The following BPTF variants were observed in gnomAD, a reference collection of about 807,000 sequenced individuals.
The protein encoded by BPTF is nucleosome-remodeling factor subunit BPTF.
A neutral mutation model predicts 292.5 loss-of-function variants in BPTF; 18 were observed. The ratio of observed to expected loss-of-function variants is 0.06; its 90% CI spans 0.04 to 0.09. The LOEUF (loss-of-function observed/expected upper bound fraction) is 0.09, where lower values mean the gene tolerates loss of function less well. Among genes scored for constraint, BPTF ranks in the 10% least tolerant of loss-of-function variants. BPTF has a pLI of 1.00. For synonymous variants in BPTF, 1,225 were observed against 1,251.9 expected (o/e 0.98, Z 0.45); for missense variants, 2,726 against 3,498.7 (o/e 0.78, Z 5.57).
rs200471908 is a variant in BPTF at position 67,884,138 on chromosome 17, CTT to C, written c.1865-7688_1865-7687del. On this transcript the variant is annotated intron_variant, in intron 4 of 27. Transcript: ENST00000306378. Reference sequence around the variant, plus strand: ...TGCCCTATTGATGGGCATTTTCTTTCTTTTTTTTTTTTTTTTTTTGAAACAAT... The same window carrying C: ...TGCCCTATTGATGGGCATTTTCTTTCTTTTTTTTTTTTTTTTTGAAACAAT... Among the ~76,000 whole-genome samples the C allele has an allele frequency of 4.5e-4, 61 of 134,432 alleles. 1 individual carries two copies. Among genetic ancestry groups the C allele is most frequent in the Non-Finnish European group, 4.5e-4 (27 of 60,472 alleles). 88.2% of individuals were successfully genotyped at this position (134,432 alleles called of 152,430 possible). A position where few individuals can be genotyped will look rare whatever the true frequency, so the allele number is the denominator to read the frequency against.
chr17:67,856,186 G>A (rs1401789381), intron 2 of BPTF, among the ~76,000 whole-genome samples: 1 of 151,904 alleles, frequency 6.6e-6, no homozygotes, highest in Non-Finnish European at 1.5e-5. Flanking sequence ...TCTCTTTGGG[G>A]TATTTGTATG....
chr17:67,878,462 C>G (rs1255767875), intron 4 of BPTF, among the ~76,000 whole-genome samples: 2 of 152,168 alleles, frequency 1.3e-5, no homozygotes, highest in African/African-American at 4.8e-5. Flanking sequence ...GTAGATACTG[C>G]TAAACAGTTT....
At chr17:67,880,603 A>G (rs550683648) in intron 4 of BPTF, among the ~76,000 whole-genome samples, 67 of 151,986 alleles carry the variant, frequency 4.4e-4, no homozygotes, top group Non-Finnish European at 9.3e-4. Context: ...ATATTCAAAC[A>G]TTTGTAGGTT....
In BPTF at chr17:67,922,906, C is replaced by G; in HGVS notation, c.5624C>G (p.Pro1875Arg). 2 of 1,614,096 alleles carry G rather than the reference C, an allele frequency of 1.2e-6. No individual in the cohort carries two copies. Among genetic ancestry groups the G allele is most frequent in the East Asian group, 4.5e-5 (2 of 44,874 alleles). Residue 1875 changes from proline (P) to arginine (R), a missense_variant, in exon 14 of 28, where the codon CCC becomes CGC. Physicochemically the swap from Pro to Arg is moderately radical, Grantham distance 103. Coordinates refer to ENST00000306378, the MANE Select transcript of BPTF (RefSeq NM_182641.4). ...CTGCGGCCAAAGAGACCAGAAACGCCCAAGCAAACTGGCCCTGTTATTATT... is the reference window on the plus strand; with the variant it reads ...CTGCGGCCAAAGAGACCAGAAACGCGCAAGCAAACTGGCCCTGTTATTATT... ...SALRPKRPETPKQTGPVIIET... is the reference protein window; with the variant it reads ...SALRPKRPETRKQTGPVIIET...
At chr17:67,826,417 T>G in intron 1 of BPTF, 80 bp downstream of exon 1, 1 of 1,405,470 alleles carries the variant, frequency 7.1e-7, no homozygotes, top group South Asian at 1.5e-5. Flanking sequence ...GTGCTGTGCA[T>G]CCTGCTCCGA....
intron 27 of BPTF, among the ~76,000 whole-genome samples, chr17:67,979,475 C>T (rs1259811052): frequency 3.3e-5 from 5 of 151,068 alleles, no homozygotes; most frequent in East Asian, 2.0e-4. Context: ...ACCTGGGAGA[C>T]GGAGGTTGCA....
chr17:67,884,931 T>C (rs2060654167), intron 4 of BPTF, among the ~76,000 whole-genome samples: 1 of 152,188 alleles, frequency 6.6e-6, no homozygotes, highest in Non-Finnish European at 1.5e-5. Flanking sequence ...TGAGAGTAGT[T>C]TCTTCATATA....
At chr17:67,897,341 C>CAAAAAAAAAAAA (rs750678904) in intron 7 of BPTF, among the ~76,000 whole-genome samples, 8 of 17,764 alleles carry the variant, frequency 4.5e-4, no homozygotes, top group Non-Finnish European at 6.5e-4. Context: ...AACTCTGTCT[C>CAAAAAAAAAAAA]AAAAAAAAAA....
chr17:67,884,327 A>G (rs7213292), intron 4 of BPTF, among the ~76,000 whole-genome samples: 30,860 of 151,440 alleles, frequency 0.2, 3,953 homozygotes, highest in East Asian at 0.66. Flanking sequence ...GCTGCTCTCG[A>G]ATGCCTGACC....
At chr17:67,832,642 C>CATT (rs149851810) in intron 1 of BPTF, among the ~76,000 whole-genome samples, 3,470 of 151,992 alleles carry the variant, frequency 0.023, 125 homozygotes, top group African/African-American at 0.079. Flanking sequence ...GTTGTGCAAC[C>CATT]ATTAACACTA....
intron 17 of BPTF, among the ~76,000 whole-genome samples, chr17:67,931,017 A>T (rs1163143123): frequency 6.6e-6 from 1 of 151,428 alleles, no homozygotes; most frequent in African/African-American, 2.4e-5. Flanking sequence ...CTGTAATCCC[A>T]GCACTTTGGG....
At chr17:67,826,580 T>TCTC (rs1555605611) in intron 1 of BPTF, among the ~76,000 whole-genome samples, 7 of 137,416 alleles carry the variant, frequency 5.1e-5, no homozygotes, top group Admixed American at 7.3e-5. Context: ...TCGCTCTCTC[T>TCTC]CCCCCCCCCA....
intron 1 of BPTF, among the ~76,000 whole-genome samples, chr17:67,837,230 C>G (rs2057201168): frequency 6.6e-6 from 1 of 152,136 alleles, no homozygotes; most frequent in Non-Finnish European, 1.5e-5. Flanking sequence ...CGTTTACAGA[C>G]AGTGCTGTCC....
intron 1 of BPTF, among the ~76,000 whole-genome samples, chr17:67,828,548 G>A (rs1273438147): frequency 6.6e-6 from 1 of 152,020 alleles, no homozygotes; most frequent in African/African-American, 2.4e-5. Flanking sequence ...CTTTTTTTGA[G>A]AAGGAGTTTT....
chr17:67,929,438 C>T lies in BPTF; in HGVS notation c.6101C>T (p.Thr2034Ile), dbSNP rs2064176015. The T allele has an allele frequency of 6.2e-7, 1 of 1,614,152 alleles. No homozygotes were observed. The highest frequency in any genetic ancestry group is 8.5e-7 in the Non-Finnish European group (1 of 1,180,036). ...TTCCAGCCCAGGACAGCAACAGTCA[C>T]AATTAGGCCCAATACCTCAGGCTCT... ...TSFQPRTATV[T>I]IRPNTSGSGG... Residue 2034 changes from threonine (T) to isoleucine (I), a missense_variant, in exon 17 of 28, where the codon ACA becomes ATA. Around this residue, in one of 22 missense-constraint regions of BPTF, gnomAD observed 570 missense variants for 633.5 expected, o/e 0.90. Coordinates refer to ENST00000306378, the MANE Select transcript of BPTF (RefSeq NM_182641.4).
chr17:67,958,666 G>A (rs1267168190), intron 23 of BPTF, among the ~76,000 whole-genome samples: 2 of 150,972 alleles, frequency 1.3e-5, no homozygotes, highest in African/African-American at 4.9e-5. Flanking sequence ...GAGGTGGGGA[G>A]GTTGGAGTGC....
rs1488543258 is a variant in BPTF at position 67,928,348 on chromosome 17, T to G, written c.5752-7T>G. The G allele has an allele frequency of 1.9e-6, 3 of 1,597,148 alleles. No homozygotes were observed. The highest frequency in any genetic ancestry group is 1.4e-5 in the African/African-American group (1 of 73,928). ...TGATTCATGTTTCCTCTCCTTCACT[T>G]TTTTAGAAACGACTGGAGCAGCAGA... On this transcript the variant is annotated splice_region_variant and splice_polypyrimidine_tract_variant and intron_variant, in intron 15 of 27. Coordinates refer to ENST00000306378, the MANE Select transcript of BPTF (RefSeq NM_182641.4).
chr17:67,900,834 ACT>A (rs2061782980), intron 7 of BPTF, among the ~76,000 whole-genome samples: 1 of 151,842 alleles, frequency 6.6e-6, no homozygotes. Context: ...ACATAGCAAG[ACT>A]CTGTCTCTAC....
At position 67,982,820 on chromosome 17, in the gene BPTF, C is replaced by A. The variant is rs1241426568; in HGVS notation, c.*532C>A. On this transcript the variant is annotated 3_prime_UTR_variant, in exon 28 of 28. Transcript: ENST00000306378. ...TCCTGTAGGTAAAAGTACAAGACGA[C>A]CTCTAGATGTCTTTTCTTTCTATGA... The A allele has an allele frequency of 6.5e-6, 1 of 152,768 alleles. No homozygotes were observed. Among genetic ancestry groups the A allele is most frequent in the Non-Finnish European group, 1.5e-5 (1 of 68,250 alleles). The allele number at this position is 152,768 out of a possible 1,614,324, so 9.5% of individuals were successfully genotyped here. A position where few individuals can be genotyped will look rare whatever the true frequency, so the allele number is the denominator to read the frequency against.
Sources: allele counts gnomAD v4.1 joint callset (sites outside exome capture counted in the v4.1 genomes callset), GRCh38; gene constraint gnomAD v4.1.1; regional missense constraint gnomAD v4.1.1; transcripts MANE v1.5; gene names NCBI Gene and HGNC (gene_info 2026-07-23, HGNC 2026-07-21).